CAMTA1: variants seen among roughly 807,000 people sequenced by gnomAD.
The protein encoded by CAMTA1 is calmodulin binding transcription activator 1.
In CAMTA1, 27 loss-of-function variants were observed where a neutral mutation model predicts 170.9. The observed-to-expected ratio is 0.16, with a 90% CI of 0.12 to 0.22. The LOEUF (loss-of-function observed/expected upper bound fraction) is 0.22. Among genes scored for constraint, CAMTA1 ranks in the 10% least tolerant of loss-of-function variants. The pLI, the probability that CAMTA1 is intolerant of heterozygous loss-of-function variation, is 1.00. For synonymous variants in CAMTA1, 833 were observed against 891.5 expected, an observed-to-expected ratio of 0.93 and a Z score of 1.17; for missense variants, 1,619 against 2,217.2, an observed-to-expected ratio of 0.73 and a Z score of 5.42.
chr1:6,982,722 C>T (rs1694648760), intron 3 of CAMTA1, among the ~76,000 whole-genome samples: 1 of 152,130 alleles, frequency 6.6e-6, no homozygotes, highest in South Asian at 2.1e-4. Context: ...CCTAGGACCC[C>T]CTCCTGGCTG....
At chr1:6,830,237 C>T (rs755013535) in intron 3 of CAMTA1, among the ~76,000 whole-genome samples, 1 of 151,294 alleles carries the variant, frequency 6.6e-6, no homozygotes. Context: ...GGAGTTTCAC[C>T]GTGTTAGCCA....
At chr1:6,992,719 C>T (rs1696589958) in intron 3 of CAMTA1, among the ~76,000 whole-genome samples, 1 of 152,170 alleles carries the variant, frequency 6.6e-6, no homozygotes, top group Admixed American at 6.5e-5. Flanking sequence ...GTGCCACATA[C>T]TTTTAAACAA....
At chr1:7,131,233 C>T (rs943262773) in intron 4 of CAMTA1, among the ~76,000 whole-genome samples, 5 of 152,202 alleles carry the variant, frequency 3.3e-5, no homozygotes, top group East Asian at 1.9e-4. Context: ...ATTACAGGTG[C>T]GAGCCACTGC....
intron 4 of CAMTA1, among the ~76,000 whole-genome samples, chr1:7,174,057 C>T (rs879290880): frequency 6.6e-6 from 1 of 152,156 alleles, no homozygotes; most frequent in Admixed American, 6.5e-5. Context: ...TCAGTCCACA[C>T]GAGAGCCCCT....
chr1:7,383,869 A>G (rs2087632381), intron 5 of CAMTA1, among the ~76,000 whole-genome samples: 1 of 152,174 alleles, frequency 6.6e-6, no homozygotes, highest in Non-Finnish European at 1.5e-5. Flanking sequence ...TTGAGTCCCC[A>G]CCATGTGCCA....
intron 6 of CAMTA1, among the ~76,000 whole-genome samples, chr1:7,493,623 G>T (rs2093774746): frequency 7.9e-6 from 1 of 126,326 alleles, no homozygotes; most frequent in African/African-American, 3.2e-5. Flanking sequence ...CAAAAGCACA[G>T]CATCCATCCC....
intron 4 of CAMTA1, among the ~76,000 whole-genome samples, chr1:7,193,495 A>T (rs759597819): frequency 6.6e-6 from 1 of 151,900 alleles, no homozygotes; most frequent in Admixed American, 6.6e-5. Flanking sequence ...ATGACAGCAG[A>T]TAAGTGCCAG....
At position 7,663,918 on chromosome 1, in the gene CAMTA1, C is replaced by G. The variant is rs150530425; in HGVS notation, c.1371C>G (p.Pro457=). ...GCTCGGAGAGCCTGTCCATGCTGCC[C>G]ACCAACGTGTCCGAAGAGCTGGTCC... ...TGSSESLSML[P]TNVSEELVLS... The change falls in exon 9 of 23, where the codon CCC becomes CCG. Residue 457 remains proline (P), a synonymous_variant. Coordinates refer to ENST00000303635, the MANE Select transcript of CAMTA1 (RefSeq NM_015215.4). The G allele has an allele frequency of 1.2e-5, 19 of 1,613,910 alleles. No individual in the cohort carries two copies. Among genetic ancestry groups the G allele is most frequent in the Non-Finnish European group, 1.6e-5 (19 of 1,180,038 alleles).
chr1:7,291,924 A>G (rs979710242), intron 5 of CAMTA1, among the ~76,000 whole-genome samples: 16 of 152,238 alleles, frequency 1.1e-4, no homozygotes, highest in African/African-American at 3.4e-4. Flanking sequence ...GGCTCTGTAA[A>G]TGGAAACAGC....
intron 3 of CAMTA1, among the ~76,000 whole-genome samples, chr1:6,990,247 T>C (rs1362632412): frequency 1.3e-5 from 2 of 152,258 alleles, no homozygotes; most frequent in East Asian, 1.9e-4. Context: ...ATGCAAACTA[T>C]AAATTGTCCT....
chr1:7,285,949 C>G (rs140745032), intron 5 of CAMTA1, among the ~76,000 whole-genome samples: 1 of 152,206 alleles, frequency 6.6e-6, no homozygotes, highest in Non-Finnish European at 1.5e-5. Context: ...CACATGTGTC[C>G]TCTTTTCACA....
intron 4 of CAMTA1, among the ~76,000 whole-genome samples, chr1:7,111,585 T>G (rs1303731136): frequency 2.0e-5 from 3 of 152,108 alleles, no homozygotes; most frequent in Non-Finnish European, 2.9e-5. Context: ...CTCTCGGAGC[T>G]CCTGTAAAAT....
At chr1:7,155,507 A>T (rs2148715239) in intron 4 of CAMTA1, among the ~76,000 whole-genome samples, 1 of 149,660 alleles carries the variant, frequency 6.7e-6, no homozygotes, top group South Asian at 2.1e-4. Context: ...GCCATGAGGC[A>T]TGAGGTCTTT....
chr1:7,145,515 A>G (rs963859946), intron 4 of CAMTA1, among the ~76,000 whole-genome samples: 1 of 152,186 alleles, frequency 6.6e-6, no homozygotes, highest in East Asian at 1.9e-4. Context: ...CAGAGAAGCC[A>G]CTGGGCTTGG....
chr1:7,118,998 A>T (rs6689977), intron 4 of CAMTA1, among the ~76,000 whole-genome samples: 9,580 of 152,148 alleles, frequency 0.063, 432 homozygotes, highest in Non-Finnish European at 0.097. Flanking sequence ...GGGATGAGAA[A>T]TAATTTGCTA....
chr1:7,668,638 C>T (rs952664375), intron 9 of CAMTA1, among the ~76,000 whole-genome samples: 14 of 152,108 alleles, frequency 9.2e-5, no homozygotes, highest in South Asian at 2.1e-4. Flanking sequence ...CAGGCACGCG[C>T]GTCACCACCA....
intron 4 of CAMTA1, among the ~76,000 whole-genome samples, chr1:7,091,899 C>G (rs1641513588): frequency 6.6e-6 from 1 of 152,218 alleles, no homozygotes; most frequent in African/African-American, 2.4e-5. Flanking sequence ...GCTTCTCTCA[C>G]CACTTGGGAA....
intron 6 of CAMTA1, among the ~76,000 whole-genome samples, chr1:7,594,200 GGGAAGGAA>G (rs56904420): frequency 0.018 from 2,062 of 113,698 alleles, 42 homozygotes; most frequent in African/African-American, 0.05. Context: ...AAGGAGGGAG[GGGAAGGAA>G]GGAAGGAAGG....
At chr1:7,151,656 T>C (rs1228178271) in intron 4 of CAMTA1, among the ~76,000 whole-genome samples, 1 of 152,224 alleles carries the variant, frequency 6.6e-6, no homozygotes, top group African/African-American at 2.4e-5. Flanking sequence ...CCCCCAGTGC[T>C]TCTTAGAGCC....
Sources: gnomAD v4.1 joint callset for allele counts (sites outside exome capture counted in the v4.1 genomes callset) on GRCh38, gnomAD v4.1.1 for gene constraint, MANE v1.5 for transcripts, NCBI Gene and HGNC (gene_info 2026-07-23, HGNC 2026-07-21) for gene names.